The following PRKN variants were observed in gnomAD, a reference collection of about 807,000 sequenced individuals.
The protein encoded by PRKN is E3 ubiquitin-protein ligase parkin.
PRKN carries 56 observed loss-of-function variants against 59.5 expected under a neutral mutation model. That is an observed-to-expected ratio of 0.94 (90% CI 0.76 to 1.18). The LOEUF (loss-of-function observed/expected upper bound fraction) is 1.18, where lower values mean the gene tolerates loss of function less well. Ranked by LOEUF, PRKN falls within the 50% of genes most tolerant of loss-of-function variation. PRKN has a pLI of 0.00. For missense variants in PRKN, 657 were observed against 596.4 expected (o/e 1.10, Z -1.06); for synonymous variants, 250 against 222.1 (o/e 1.13, Z -1.12).
chr6:162,444,041 G>A (rs1373064681), intron 1 of PRKN, among the ~76,000 whole-genome samples: 1 of 152,084 alleles, frequency 6.6e-6, no homozygotes, highest in African/African-American at 2.4e-5. Context: ...CTTTTTGGCA[G>A]GGAGGGGGTG....
At position 161,376,424 on chromosome 6, in the gene PRKN, G is replaced by A. The variant is rs959503488; in HGVS notation, c.1167+10370C>T. Among the ~76,000 whole-genome samples, 8 of 152,150 alleles carry A rather than the reference G, an allele frequency of 5.3e-5. No individual in the cohort carries two copies. Among genetic ancestry groups the A allele is most frequent in the Non-Finnish European group, 1.2e-4 (8 of 68,030 alleles). On this transcript the variant is annotated intron_variant, in intron 10 of 11. Transcript: ENST00000366898. This position sits in a 1 kb window ranked among gnomAD's most constrained non-coding sequence, Gnocchi z 7.3. ...TCTTCCAGCCAATGGCACCACCATC[G>A]TTCTAAGCTAGACATTCATGCATCA...
chr6:161,841,726 T>C (rs1364011263), intron 6 of PRKN, among the ~76,000 whole-genome samples: 1 of 152,200 alleles, frequency 6.6e-6, no homozygotes, highest in Non-Finnish European at 1.5e-5. Context: ...ACCTTCAATA[T>C]CTGATCACCC....
At position 161,388,157 on chromosome 6, in the gene PRKN, T is replaced by A. The variant is rs536669360; in HGVS notation, c.1084-1280A>T. On this transcript the variant is annotated intron_variant, in intron 9 of 11. Coordinates refer to ENST00000366898, the MANE Select transcript of PRKN (RefSeq NM_004562.3). This position sits in a 1 kb window ranked among gnomAD's most constrained non-coding sequence, Gnocchi z 4.3. ...ACACCAGACTGGAGTCATCATCCCA[T>A]CCCCTGCCACCTGAAACACCTTGGG... Among the ~76,000 whole-genome samples the A allele has an allele frequency of 6.6e-6, 1 of 152,092 alleles. No homozygotes were observed. The highest frequency in any genetic ancestry group is 1.5e-5 in the Non-Finnish European group (1 of 68,014).
At chr6:162,196,655 G>T (rs1369282365) in intron 4 of PRKN, among the ~76,000 whole-genome samples, 1 of 152,132 alleles carries the variant, frequency 6.6e-6, no homozygotes, top group Non-Finnish European at 1.5e-5. Flanking sequence ...TTGAGTCCGG[G>T]TTGGTTCTCA....
intron 11 of PRKN, among the ~76,000 whole-genome samples, chr6:161,358,753 A>G (rs932616849): frequency 6.8e-6 from 1 of 147,726 alleles, no homozygotes; most frequent in African/African-American, 2.5e-5. Context: ...AGACTAGAGA[A>G]GCTCTTTCCT....
intron 1 of PRKN, among the ~76,000 whole-genome samples, chr6:162,684,832 T>A (rs529338990): frequency 6.6e-6 from 1 of 152,176 alleles, no homozygotes; most frequent in Non-Finnish European, 1.5e-5. Context: ...TTTAATAATA[T>A]GACCAAACAG....
chr6:162,192,980 G>A (rs948494840), intron 4 of PRKN, among the ~76,000 whole-genome samples: 2 of 152,070 alleles, frequency 1.3e-5, no homozygotes, highest in African/African-American at 2.4e-5. Flanking sequence ...CTGCAAGACC[G>A]ACTTCTTTTT....
intron 4 of PRKN, among the ~76,000 whole-genome samples, chr6:162,183,782 C>A (rs193204338): frequency 2.0e-5 from 3 of 152,114 alleles, no homozygotes; most frequent in African/African-American, 7.2e-5. Flanking sequence ...CGCAGTATGC[C>A]GCCCCTCGAT....
chr6:162,586,923 C>T (rs1389780862), intron 1 of PRKN, among the ~76,000 whole-genome samples: 1 of 152,134 alleles, frequency 6.6e-6, no homozygotes, highest in Non-Finnish European at 1.5e-5. Context: ...GGCACTGTGG[C>T]AGGTCCTACT....
intron 2 of PRKN, among the ~76,000 whole-genome samples, chr6:162,284,004 A>G (rs1158381428): frequency 1.3e-5 from 2 of 152,134 alleles, no homozygotes; most frequent in Admixed American, 1.3e-4. Context: ...TTAAAAACAT[A>G]TATTTAGCCA....
rs150840330 is a variant in PRKN, at chr6:161,597,767, G to A, written c.872-28351C>T. 3.2e-3 allele frequency among the ~76,000 whole-genome samples: 490 copies of A among 152,294 alleles called. 3 individuals carry two copies. The highest frequency in any genetic ancestry group is 0.011 in the African/African-American group (467 of 41,566). ...CTGTACCATACCATGGGAGATTAGT[G>A]CATGAGGTACTGGTGCTGCTATGAT... On this transcript the variant is annotated intron_variant, in intron 7 of 11. Coordinates refer to ENST00000366898, the MANE Select transcript of PRKN (RefSeq NM_004562.3).
intron 9 of PRKN, among the ~76,000 whole-genome samples, chr6:161,512,800 C>A (rs975312251): frequency 6.6e-6 from 1 of 152,184 alleles, no homozygotes; most frequent in Non-Finnish European, 1.5e-5. Context: ...GTGCACACAG[C>A]TATGGGGGCT....
At chr6:161,935,537 G>A (rs1448912540) in intron 6 of PRKN, among the ~76,000 whole-genome samples, 5 of 140,444 alleles carry the variant, frequency 3.6e-5, no homozygotes, top group African/African-American at 1.3e-4. Flanking sequence ...TTGGGCAACA[G>A]AGCAAGACCT....
rs1785871552 is a variant in PRKN at position 161,379,406 on chromosome 6, T to C, written c.1167+7388A>G. 6.6e-6 allele frequency among the ~76,000 whole-genome samples: 1 copy of C among 152,180 alleles called. No individual in the cohort carries two copies. Among genetic ancestry groups the C allele is most frequent in the African/African-American group, 2.4e-5 (1 of 41,436 alleles). ...ATGAGCTACATATAGTTTACCCTGC[T>C]AACCTTCCATTTGTACATTTCTCCA... On this transcript the variant is annotated intron_variant, in intron 10 of 11. Coordinates refer to ENST00000366898, the MANE Select transcript of PRKN (RefSeq NM_004562.3). The surrounding 1 kb of genome is among the most constrained non-coding windows in gnomAD (Gnocchi z 4.9).
chr6:161,436,787 G>T (rs999293645), intron 9 of PRKN, among the ~76,000 whole-genome samples: 2 of 152,070 alleles, frequency 1.3e-5, no homozygotes, highest in Admixed American at 6.5e-5. Context: ...CTATTGAAAT[G>T]TCTGTATCTG....
At chr6:161,619,177 G>A (rs1283361840) in intron 7 of PRKN, among the ~76,000 whole-genome samples, 2 of 150,520 alleles carry the variant, frequency 1.3e-5, no homozygotes, top group East Asian at 2.0e-4. Flanking sequence ...ACAGACATAT[G>A]GTCACCGGCA....
chr6:162,254,441 G>A (rs1779563752), intron 3 of PRKN, among the ~76,000 whole-genome samples: 2 of 150,240 alleles, frequency 1.3e-5, no homozygotes, highest in Admixed American at 1.3e-4. Context: ...GGGTGATAGG[G>A]TGGGACTCCA....
In PRKN at chr6:162,220,909, T is replaced by A. The variant is rs1035101044; in HGVS notation, c.413-19657A>T. Among the ~76,000 whole-genome samples, 5 of 152,234 alleles carry A rather than the reference T, an allele frequency of 3.3e-5. No homozygotes were observed. The South Asian group carries it at 6.2e-4, about 19-fold the overall frequency. ...ACAATTCATCCTTTCACTCTCCTCT[T>A]GAAATGGGATGTATTGTGAATGTAT... On this transcript the variant is annotated intron_variant, in intron 3 of 11. Transcript: ENST00000366898.
chr6:161,438,651 A>G (rs569500992), intron 9 of PRKN, among the ~76,000 whole-genome samples: 1 of 152,306 alleles, frequency 6.6e-6, no homozygotes, highest in African/African-American at 2.4e-5. Flanking sequence ...CTTTCAATGC[A>G]TGGGTCATGT....
Sources: allele counts gnomAD v4.1 joint callset (sites outside exome capture counted in the v4.1 genomes callset), GRCh38; gene constraint gnomAD v4.1.1; non-coding constraint Gnocchi (gnomAD v3.1); transcripts MANE v1.5; gene names NCBI Gene and HGNC (gene_info 2026-07-23, HGNC 2026-07-21).